HEG1: variants seen among roughly 807,000 people sequenced by gnomAD.
The protein encoded by HEG1 is protein HEG homolog 1.
In HEG1, 56 loss-of-function variants were observed where a neutral mutation model predicts 125.6. The ratio of observed to expected loss-of-function variants is 0.45; its 90% CI spans 0.36 to 0.56. HEG1 has a LOEUF of 0.56. HEG1 is among the 20% of genes least tolerant of loss of function. HEG1 has a pLI of 0.00. For missense variants in HEG1, 1,523 were observed against 1,670.0 expected (o/e 0.91, Z 1.53); for synonymous variants, 644 against 668.5 (o/e 0.96, Z 0.57).
At chr3:125,011,093 G>T (rs1275529926) in intron 6 of HEG1, among the ~76,000 whole-genome samples, 1 of 152,082 alleles carries the variant, frequency 6.6e-6, no homozygotes, top group Non-Finnish European at 1.5e-5. Flanking sequence ...GCCATATTTA[G>T]AAAATGATCA....
intron 9 of HEG1, among the ~76,000 whole-genome samples, chr3:125,003,739 C>A (rs1579411006): frequency 6.6e-6 from 1 of 152,206 alleles, no homozygotes; most frequent in East Asian, 1.9e-4. Context: ...GTACTCCCTG[C>A]ATACTGGACA....
chr3:124,994,774 G>A (rs1448467610), intron 12 of HEG1, among the ~76,000 whole-genome samples: 1 of 152,206 alleles, frequency 6.6e-6, no homozygotes, highest in Non-Finnish European at 1.5e-5. Context: ...AAAGTGCTGG[G>A]ATTATAGGCG....
chr3:125,014,647 G>A, intron 5 of HEG1: 1 of 1,174,604 alleles, frequency 8.5e-7, no homozygotes, highest in African/African-American at 1.6e-5. Context: ...ATCATCCCAG[G>A]ACGGTGAGTA....
In HEG1 at chr3:125,018,585, C is replaced by G. The variant is rs552089894; in HGVS notation, c.1588+677G>C. Among the ~76,000 whole-genome samples the G allele has an allele frequency of 1.5e-4, 23 of 152,216 alleles. No homozygotes were observed. In the South Asian group the frequency reaches 4.6e-3, roughly 30 times the overall value. On this transcript the variant is annotated intron_variant, in intron 5 of 16. Transcript: ENST00000311127. ...AGAGAATTTATTTGGATGAATGCCCCGACAACTACTAACGAGAAGGTGATA... is the reference window on the plus strand; with the variant it reads ...AGAGAATTTATTTGGATGAATGCCCGGACAACTACTAACGAGAAGGTGATA...
In HEG1 at chr3:125,055,564, C is replaced by G; in HGVS notation, c.316+11G>C. 1 of 1,203,386 alleles carries G rather than the reference C, an allele frequency of 8.3e-7. No homozygotes were observed. Among genetic ancestry groups the G allele is most frequent in the Non-Finnish European group, 1.0e-6 (1 of 969,090 alleles). The allele number at this position is 1,203,386 out of a possible 1,614,324, so 74.5% of individuals were successfully genotyped here. On this transcript the variant is annotated intron_variant, in intron 1 of 16. Transcript: ENST00000311127. ...GACTGGCCAGGCGCCAGGTTCCCGGCTCTCACTCACCCGCGCTCCCGCCTC... is the reference window on the plus strand; with the variant it reads ...GACTGGCCAGGCGCCAGGTTCCCGGGTCTCACTCACCCGCGCTCCCGCCTC...
At position 125,027,271 on chromosome 3, in the gene HEG1, G is replaced by A. The variant is rs1937428755; in HGVS notation, c.847C>T (p.Pro283Ser). The A allele has an allele frequency of 6.2e-7, 1 of 1,613,270 alleles. No individual in the cohort carries two copies. Among genetic ancestry groups the A allele is most frequent in the Non-Finnish European group, 8.5e-7 (1 of 1,179,654 alleles). ...TAGAAATGCAGCCAGGAGAGATCTG[G>A]TCCTGAGGAATTTCTCTTCCTAGAA... ...TPSRKRNSSG[P>S]DLSWLHFYRT... The change falls in exon 3 of 17, where the codon CCA becomes TCA. Residue 283 changes from proline (P) to serine (S), a missense_variant. Pro to Ser is a moderately conservative substitution (Grantham distance 74, BLOSUM62 -1). Transcript: ENST00000311127.
At position 125,010,561 on chromosome 3, in the gene HEG1, A is replaced by G. The variant is rs772517162; in HGVS notation, c.2957-6T>C. On this transcript the variant is annotated splice_region_variant and splice_polypyrimidine_tract_variant and intron_variant, in intron 6 of 16. Coordinates refer to ENST00000311127, the MANE Select transcript of HEG1 (RefSeq NM_020733.2). ...GTTCACAGCACAGCTGTTGACTACA[A>G]ACACATTCCAGGAGTAAAGCAGTTA... 32 of 1,531,160 alleles carry G rather than the reference A, an allele frequency of 2.1e-5. No homozygotes were observed. In the African/African-American group the frequency reaches 4.1e-4, roughly 20 times the overall value. The allele number at this position is 1,531,160 out of a possible 1,614,324, so 94.8% of individuals were successfully genotyped here.
intron 16 of HEG1, among the ~76,000 whole-genome samples, chr3:124,972,316 T>C (rs569294403): frequency 1.3e-5 from 2 of 152,278 alleles, no homozygotes; most frequent in Non-Finnish European, 2.9e-5. Flanking sequence ...AGCTCAGTTA[T>C]AGCTTCAGTT....
intron 14 of HEG1, among the ~76,000 whole-genome samples, chr3:124,982,824 C>T (rs1017508742): frequency 6.6e-6 from 1 of 152,196 alleles, no homozygotes; most frequent in Non-Finnish European, 1.5e-5. Context: ...GGTCCTGGAA[C>T]AAACCCACCA....
intron 1 of HEG1, among the ~76,000 whole-genome samples, chr3:125,042,225 C>T (rs1191648007): frequency 2.0e-5 from 3 of 152,086 alleles, no homozygotes; most frequent in African/African-American, 4.8e-5. Flanking sequence ...GTTAGGAGTT[C>T]GAGACCAGCC....
chr3:125,028,700 G>A (rs1353879942), intron 2 of HEG1, among the ~76,000 whole-genome samples: 1 of 152,210 alleles, frequency 6.6e-6, no homozygotes, highest in Non-Finnish European at 1.5e-5. Flanking sequence ...ATGGTGGTAT[G>A]TAGTAGGTCC....
In HEG1 at chr3:125,029,226, T is replaced by G; in HGVS notation, c.579A>C (p.Ala193=). The change falls in exon 2 of 17, where the codon GCA becomes GCC. Residue 193 remains alanine, a synonymous_variant. Transcript: ENST00000311127. ...ILPVGYSLEI[A]TALTSQSGNL... ...TGCCACTCTGGGAAGTCAGAGCTGT[T>G]GCTATCTCCAGTGAGTACCCAACAG... 6.2e-7 allele frequency: 1 copy of G among 1,613,132 alleles called. No individual in the cohort carries two copies. Among genetic ancestry groups the G allele is most frequent in the Non-Finnish European group, 8.5e-7 (1 of 1,179,628 alleles).
At chr3:125,005,983 A>C (rs1937066265) in intron 8 of HEG1, among the ~76,000 whole-genome samples, 1 of 152,150 alleles carries the variant, frequency 6.6e-6, no homozygotes, top group Admixed American at 6.6e-5. Flanking sequence ...AGGTCAGGCA[A>C]CTTCCTAAGA....
rs1443802920 is a variant in HEG1 at position 124,968,702 on chromosome 3, G to A, written c.*1950C>T. ...CAGCTGCGGGTTCTGGGGGTGAGCA[G>A]GCATGCTGCGGAAGGAGCCAAGAAG... On this transcript the variant is annotated 3_prime_UTR_variant, in exon 17 of 17. Coordinates refer to ENST00000311127, the MANE Select transcript of HEG1 (RefSeq NM_020733.2). 3 of 152,180 alleles carry A rather than the reference G, an allele frequency of 2.0e-5. No homozygotes were observed. The highest frequency in any genetic ancestry group is 7.2e-5 in the African/African-American group (3 of 41,428). The allele number at this position is 152,180 out of a possible 1,614,324, so 9.4% of individuals were successfully genotyped here.
intron 14 of HEG1, among the ~76,000 whole-genome samples, chr3:124,986,135 A>C (rs1936734659): frequency 6.6e-6 from 1 of 152,224 alleles, no homozygotes; most frequent in African/African-American, 2.4e-5. Flanking sequence ...TAGAAAGTGC[A>C]CAGAAACTTT....
chr3:125,036,839 C>T (rs996151364), intron 1 of HEG1, among the ~76,000 whole-genome samples: 2 of 152,236 alleles, frequency 1.3e-5, no homozygotes, highest in Admixed American at 6.5e-5. Flanking sequence ...TACTTTCATA[C>T]GATATTGGTA....
chr3:125,014,643 C>T, intron 5 of HEG1: 1 of 1,173,454 alleles, frequency 8.5e-7, no homozygotes, highest in Non-Finnish European at 1.1e-6. Context: ...CTGAATCATC[C>T]CAGGACGGTG....
At chr3:125,034,909 A>C (rs1937536905) in intron 1 of HEG1, among the ~76,000 whole-genome samples, 1 of 152,274 alleles carries the variant, frequency 6.6e-6, no homozygotes, top group East Asian at 1.9e-4. Context: ...GAGAAAGTCC[A>C]ACACACAACT....
intron 6 of HEG1, among the ~76,000 whole-genome samples, chr3:125,011,086 A>C (rs1251395795): frequency 6.6e-6 from 1 of 152,224 alleles, no homozygotes; most frequent in Non-Finnish European, 1.5e-5. Flanking sequence ...ATATTGTGCC[A>C]TATTTAGAAA....
Sources: allele counts gnomAD v4.1 joint callset (sites outside exome capture counted in the v4.1 genomes callset), GRCh38; gene constraint gnomAD v4.1.1; transcripts MANE v1.5; gene names NCBI Gene and HGNC (gene_info 2026-07-23, HGNC 2026-07-21).